CCDC30: variants seen among roughly 807,000 people sequenced by gnomAD.
CCDC30 encodes coiled-coil domain containing 30.
CCDC30 carries 70 observed loss-of-function variants against 100.2 expected under a neutral mutation model. That is an observed-to-expected ratio of 0.70 (90% confidence interval 0.58 to 0.85). CCDC30 has a LOEUF of 0.85. CCDC30 is among the 40% of genes least tolerant of loss of function. The probability of loss-of-function intolerance (pLI) is 0.00; values close to 1 mark genes in which losing one functional copy is unlikely to be tolerated. For missense variants in CCDC30, 652 were observed against 771.2 expected, an observed-to-expected ratio of 0.85 and a Z score of 1.83; for synonymous variants, 233 against 269.5, an observed-to-expected ratio of 0.86 and a Z score of 1.33.
intron 3 of CCDC30, 90 bp from the exon 4 acceptor site, chr1:42,490,068 G>T (rs1340865637): frequency 2.2e-6 from 1 of 451,444 alleles, no homozygotes; most frequent in Non-Finnish European, 3.5e-6. Context: ...CCAGGTGAAA[G>T]AAAGTGTTCC....
At chr1:42,608,930 C>A (rs148951853) in intron 10 of CCDC30, among the ~76,000 whole-genome samples, 95 of 152,248 alleles carry the variant, frequency 6.2e-4, no homozygotes, top group African/African-American at 2.1e-3. Context: ...ATATTCAAGA[C>A]TGCTTTTGAC....
intron 1 of CCDC30, chr1:42,473,276 AG>A: frequency 8.1e-7 from 1 of 1,231,520 alleles, no homozygotes; most frequent in Non-Finnish European, 1.0e-6. Context: ...AAGAGCTTAT[AG>A]TGAAGCACAT....
intron 11 of CCDC30, among the ~76,000 whole-genome samples, chr1:42,618,720 C>T (rs1278433366): frequency 2.0e-5 from 3 of 152,190 alleles, no homozygotes; most frequent in Non-Finnish European, 2.9e-5. Flanking sequence ...GATGGTGGCT[C>T]AATGGATCAA....
intron 3 of CCDC30, among the ~76,000 whole-genome samples, chr1:42,485,458 A>G (rs556216454): frequency 1.3e-5 from 2 of 152,326 alleles, no homozygotes; most frequent in South Asian, 4.1e-4. Context: ...AATATGTAAC[A>G]AATTCTTACA....
downstream of CCDC30, among the ~76,000 whole-genome samples, chr1:42,656,396 C>T (rs1265572543): frequency 7.9e-5 from 12 of 152,086 alleles, no homozygotes; most frequent in South Asian, 2.1e-4. Context: ...TTTGGGAGGC[C>T]GAGGCAGGTG....
intron 6 of CCDC30, among the ~76,000 whole-genome samples, chr1:42,510,998 A>G (rs868326941): frequency 6.6e-6 from 1 of 152,074 alleles, no homozygotes. Flanking sequence ...AGAAAGCACT[A>G]CAGAGAGGTG....
At chr1:42,634,561 G>A (rs10789420) in intron 11 of CCDC30, among the ~76,000 whole-genome samples, 93,547 of 152,018 alleles carry the variant, frequency 0.62, 29,045 homozygotes, top group South Asian at 0.69. Context: ...TGTTTGTATC[G>A]CACTCATGCT....
rs1427225489 is a variant in CCDC30 at position 42,539,209 on chromosome 1, T to G, written c.457-27087T>G. 3 of 1,607,428 alleles carry G rather than the reference T, an allele frequency of 1.9e-6. No individual in the cohort carries two copies. In the African/African-American group the frequency reaches 4.0e-5, roughly 22 times the overall value. ...ATCAAAGTCAGAGCTTATATGCCTT[T>G]ATAATGAAGTTCACAATCTTCCAGG... On this transcript the variant is annotated intron_variant, in intron 6 of 16. Coordinates refer to ENST00000668663, the Ensembl canonical transcript of CCDC30.
chr1:42,534,765 A>T lies in CCDC30; in HGVS notation c.457-31531A>T, dbSNP rs573251660. ...ATCTCTTAAGGATCCAAGACCAGAT[A>T]GGAGGTGAAACTTGTTGCTAGGAAG... On this transcript the variant is annotated intron_variant, in intron 6 of 16. Coordinates refer to ENST00000668663, the Ensembl canonical transcript of CCDC30. The T allele has an allele frequency of 3.3e-5, 5 of 152,360 alleles. No individual in the cohort carries two copies. The East Asian group carries it at 7.7e-4, about 23-fold the overall frequency. The allele number at this position is 152,360 out of a possible 1,614,324, so 9.4% of individuals were successfully genotyped here.
intron 15 of CCDC30, among the ~76,000 whole-genome samples, chr1:42,647,962 T>C (rs1248691494): frequency 1.3e-5 from 2 of 152,158 alleles, no homozygotes; most frequent in African/African-American, 4.8e-5. Context: ...TGTTTTTAGA[T>C]GGAATTTCAC....
chr1:42,646,250 C>T (rs1647871997), exon 15 of CCDC30: 3 of 1,552,096 alleles, frequency 1.9e-6, no homozygotes, highest in South Asian at 1.2e-5. Context: ...AGCAACAATG[C>T]AGAACTCCAG....
the CCDC30 span, chr1:42,456,791 G>T: frequency 6.2e-7 from 1 of 1,613,092 alleles, no homozygotes; most frequent in South Asian, 1.1e-5. Flanking sequence ...CTTCCTAGCC[G>T]CCGGCTACGG....
intron 11 of CCDC30, among the ~76,000 whole-genome samples, chr1:42,615,301 T>C (rs1193911697): frequency 6.6e-6 from 1 of 152,132 alleles, no homozygotes; most frequent in Admixed American, 6.5e-5. Context: ...TTTGGTTTGT[T>C]TGTTTGTTTT....
At chr1:42,616,543 C>T (rs1646730718) in intron 11 of CCDC30, among the ~76,000 whole-genome samples, 1 of 152,166 alleles carries the variant, frequency 6.6e-6, no homozygotes, top group South Asian at 2.1e-4. Context: ...TACGTTTTCT[C>T]TACCACTTTT....
At chr1:42,654,082 C>A in exon 17 of CCDC30, 4 of 1,298,894 alleles carry the variant, frequency 3.1e-6, no homozygotes, top group South Asian at 1.2e-5. Context: ...AAAGCCTGGA[C>A]AAAAGGTGGA....
chr1:42,637,177 G>A (rs1428084175), intron 11 of CCDC30, 60 bp from the exon 16 acceptor site: 1 of 1,370,748 alleles, frequency 7.3e-7, no homozygotes, highest in African/African-American at 1.5e-5. Context: ...TGCATATTGA[G>A]GATGCAAAAT....
chr1:42,500,628 T>A (rs1460077198), intron 6 of CCDC30, among the ~76,000 whole-genome samples: 1 of 152,152 alleles, frequency 6.6e-6, no homozygotes, highest in Non-Finnish European at 1.5e-5. Flanking sequence ...TTAGCCAGGA[T>A]GGTCTCAATC....
At chr1:42,629,424 G>T (rs1009607560) in intron 11 of CCDC30, among the ~76,000 whole-genome samples, 1 of 152,076 alleles carries the variant, frequency 6.6e-6, no homozygotes, top group African/African-American at 2.4e-5. Context: ...TATGTAATTT[G>T]TTTCTTTTCT....
chr1:42,533,305 C>G lies in CCDC30; in HGVS notation c.457-32991C>G, dbSNP rs150939366. Among the ~76,000 whole-genome samples the G allele has an allele frequency of 1.2e-4, 18 of 151,830 alleles. No homozygotes were observed. The East Asian group carries it at 3.5e-3, about 29-fold the overall frequency. On this transcript the variant is annotated intron_variant, in intron 6 of 16. Coordinates refer to ENST00000668663, the Ensembl canonical transcript of CCDC30. Reference sequence around the variant, plus strand: ...ATAACGTCACTGGTGTTGTGGCATGCCTGGGCATGTAGTAAAAGCAGAAAG... The same window carrying G: ...ATAACGTCACTGGTGTTGTGGCATGGCTGGGCATGTAGTAAAAGCAGAAAG...
Sources: gnomAD v4.1 joint callset for allele counts (sites outside exome capture counted in the v4.1 genomes callset) on GRCh38, gnomAD v4.1.1 for gene constraint, MANE v1.5 for transcripts, NCBI Gene and HGNC (gene_info 2026-07-23, HGNC 2026-07-21) for gene names.